The following PDGFC variants were observed in gnomAD, a reference collection of about 807,000 sequenced individuals.
The protein encoded by PDGFC is platelet derived growth factor C, also known as platelet-derived growth factor C.
A neutral mutation model predicts 35.5 loss-of-function variants in PDGFC; 12 were observed. The ratio of observed to expected loss-of-function variants is 0.34; its 90% confidence interval spans 0.22 to 0.55. PDGFC has a LOEUF of 0.55. PDGFC is among the 20% of genes least tolerant of loss of function. The pLI is 0.91. For synonymous variants in PDGFC, 159 were observed against 148.8 expected, an observed-to-expected ratio of 1.07 and a Z score of -0.50; for missense variants, 322 against 412.4, an observed-to-expected ratio of 0.78 and a Z score of 1.90.
chr4:156,889,391 A>G (rs1405311901), intron 1 of PDGFC, among the ~76,000 whole-genome samples: 1 of 152,214 alleles, frequency 6.6e-6, no homozygotes, highest in Non-Finnish European at 1.5e-5. Flanking sequence ...TAATTTCCCA[A>G]GGTTAATGAA....
At chr4:156,899,555 C>T (rs986550475) in intron 1 of PDGFC, among the ~76,000 whole-genome samples, 1 of 152,176 alleles carries the variant, frequency 6.6e-6, no homozygotes, top group Non-Finnish European at 1.5e-5. Flanking sequence ...TGGCTCACAC[C>T]TGTAATCCCA....
chr4:156,766,220 G>A (rs1329759096), intron 5 of PDGFC, among the ~76,000 whole-genome samples: 1 of 152,126 alleles, frequency 6.6e-6, no homozygotes, highest in Non-Finnish European at 1.5e-5. Flanking sequence ...AATTAGTCAT[G>A]CTAGGACTGG....
chr4:156,889,508 A>G (rs780366529), intron 1 of PDGFC, among the ~76,000 whole-genome samples: 19 of 152,124 alleles, frequency 1.2e-4, no homozygotes, highest in Non-Finnish European at 1.9e-4. Context: ...GGTCACCTTC[A>G]AGGTTAGTGC....
chr4:156,953,237 C>T (rs767364902), intron 1 of PDGFC, among the ~76,000 whole-genome samples: 5 of 151,866 alleles, frequency 3.3e-5, no homozygotes, highest in Non-Finnish European at 4.4e-5. Context: ...TTTCCAGTCA[C>T]CAATTGTTTT....
intron 3 of PDGFC, chr4:156,779,048 T>G (rs906536301): frequency 2.3e-6 from 1 of 436,652 alleles, no homozygotes; most frequent in Admixed American, 2.5e-5. Context: ...CCAATCTCAT[T>G]TATGTAATGT....
intron 1 of PDGFC, among the ~76,000 whole-genome samples, chr4:156,963,704 G>A (rs889297992): frequency 1.3e-5 from 2 of 152,054 alleles, no homozygotes; most frequent in African/African-American, 2.4e-5. Flanking sequence ...GAATTCTAAC[G>A]AGAAATCTGA....
chr4:156,821,793 C>T (rs1208971939), intron 2 of PDGFC, among the ~76,000 whole-genome samples: 1 of 152,078 alleles, frequency 6.6e-6, no homozygotes, highest in Non-Finnish European at 1.5e-5. Flanking sequence ...CAACTGATCC[C>T]CCTGCCTTGG....
At chr4:156,912,707 G>GA (rs1403975413) in intron 1 of PDGFC, among the ~76,000 whole-genome samples, 1 of 151,764 alleles carries the variant, frequency 6.6e-6, no homozygotes, top group Non-Finnish European at 1.5e-5. Context: ...TCTTAAGGGA[G>GA]AAAATGGGAA....
chr4:156,820,302 C>T (rs1732213549), intron 2 of PDGFC, among the ~76,000 whole-genome samples: 2 of 152,168 alleles, frequency 1.3e-5, no homozygotes, highest in Admixed American at 6.5e-5. Context: ...GCAAATAGCA[C>T]TTAATGCTAC....
chr4:156,784,136 A>T, intron 3 of PDGFC, among the ~76,000 whole-genome samples: 1 of 152,202 alleles, frequency 6.6e-6, no homozygotes, highest in East Asian at 1.9e-4. Flanking sequence ...CTTGGAATAG[A>T]GAAAGATAAT....
At chr4:156,877,309 T>G (rs1250831445) in intron 1 of PDGFC, among the ~76,000 whole-genome samples, 1 of 152,142 alleles carries the variant, frequency 6.6e-6, no homozygotes, top group Non-Finnish European at 1.5e-5. Flanking sequence ...AATAAAATAC[T>G]GTCAATTGTA....
chr4:156,818,516 G>GTTTTTTTTTTTTTT (rs35714916), intron 2 of PDGFC, among the ~76,000 whole-genome samples: 2 of 98,894 alleles, frequency 2.0e-5, no homozygotes, highest in Admixed American at 1.3e-4. Context: ...CTTTCTAGCT[G>GTTTTTTTTTTTTTT]TTTTTTTTTT....
intron 1 of PDGFC, among the ~76,000 whole-genome samples, chr4:156,860,445 C>G (rs1230327281): frequency 6.6e-6 from 1 of 152,076 alleles, no homozygotes; most frequent in East Asian, 1.9e-4. Context: ...AAATCTAATT[C>G]TGTAGTTGAA....
At chr4:156,767,744 G>A in intron 5 of PDGFC, 29 bp downstream of exon 5, 1 of 1,446,392 alleles carries the variant, frequency 6.9e-7, no homozygotes. Flanking sequence ...AATACCCGAA[G>A]GAAACCAAAA....
At chr4:156,869,818 T>C (rs921500128) in intron 1 of PDGFC, among the ~76,000 whole-genome samples, 2 of 152,194 alleles carry the variant, frequency 1.3e-5, no homozygotes, top group Admixed American at 1.3e-4. Flanking sequence ...CTGGTTCTGA[T>C]TTGACTTTAT....
chr4:156,849,588 GGTGGTCTTTTGC>G (rs1168164001), intron 2 of PDGFC, among the ~76,000 whole-genome samples: 1 of 152,034 alleles, frequency 6.6e-6, no homozygotes, highest in East Asian at 1.9e-4. Flanking sequence ...ACATACAGTA[GGTGGTCTTTTGC>G]GTGGGTGAAA....
At chr4:156,867,583 C>T (rs142380471) in intron 1 of PDGFC, among the ~76,000 whole-genome samples, 1 of 152,284 alleles carries the variant, frequency 6.6e-6, no homozygotes, top group East Asian at 1.9e-4. Flanking sequence ...TGTATCAATT[C>T]TCCCACACCC....
chr4:156,949,433 C>CTCTCTCTTTCTCTCTCGCTCTT (rs1429107318), intron 1 of PDGFC, among the ~76,000 whole-genome samples: 2 of 150,358 alleles, frequency 1.3e-5, no homozygotes, highest in East Asian at 3.9e-4. Flanking sequence ...GTGTGTGTCT[C>CTCTCTCTTTCTCTCTCGCTCTT]TCTCTCTTTC....
Position 156,761,048 on chromosome 4 carries a change from C to A in PDGFC, c.*2042G>T, listed in dbSNP as rs1730363594. 6.6e-6 allele frequency: 1 copy of A among 152,104 alleles called. No homozygotes were observed. Among genetic ancestry groups the A allele is most frequent in the Non-Finnish European group, 1.5e-5 (1 of 68,078 alleles). The allele number at this position is 152,104 out of a possible 1,614,324, so 9.4% of individuals were successfully genotyped here. On this transcript the variant is annotated 3_prime_UTR_variant, in exon 6 of 6. Transcript: ENST00000502773. ...GTTTTCCACATAGTTGGAGGCAGGGCAGAACTGCAGGTGTCAAAGCACAGG... is the reference window on the plus strand; with the variant it reads ...GTTTTCCACATAGTTGGAGGCAGGGAAGAACTGCAGGTGTCAAAGCACAGG...
Sources: allele counts gnomAD v4.1 joint callset (sites outside exome capture counted in the v4.1 genomes callset), GRCh38; gene constraint gnomAD v4.1.1; transcripts MANE v1.5; gene names NCBI Gene and HGNC (gene_info 2026-07-23, HGNC 2026-07-21).